Variants in REEP5 observed in about 807,000 individuals in gnomAD.
REEP5 encodes the protein receptor accessory protein 5.
A neutral mutation model predicts 22.4 loss-of-function variants in REEP5; 24 were observed. The ratio of observed to expected loss-of-function variants is 1.07; its 90% CI spans 0.78 to 1.51. The LOEUF (loss-of-function observed/expected upper bound fraction) is 1.51, where lower values mean the gene tolerates loss of function less well. Among genes scored for constraint, REEP5 ranks in the 40% most tolerant of loss-of-function variants. The pLI is 0.00. For missense variants in REEP5, 252 were observed against 233.0 expected (o/e 1.08, Z -0.53); for synonymous variants, 103 against 88.6 (o/e 1.16, Z -0.92).
chr5:112,897,759 ATAT>A (rs1212381994), intron 3 of REEP5: 1 of 152,272 alleles, frequency 6.6e-6, no homozygotes, highest in East Asian at 1.9e-4. Flanking sequence ...AAAAAATAAA[ATAT>A]TAAACATGTC....
intron 2 of REEP5, among the ~76,000 whole-genome samples, chr5:112,907,909 T>C (rs868558778): frequency 1.3e-5 from 2 of 152,284 alleles, no homozygotes; most frequent in East Asian, 3.9e-4. Flanking sequence ...TGTTTTTATA[T>C]GTTTACAGAC....
intron 2 of REEP5, among the ~76,000 whole-genome samples, chr5:112,913,536 TAAAAAA>T (rs148324454): frequency 1.4e-3 from 91 of 65,474 alleles, no homozygotes; most frequent in African/African-American, 5.0e-3. Flanking sequence ...TGACCCTGGC[TAAAAAA>T]AAAAAAAAAA....
intron 4 of REEP5, among the ~76,000 whole-genome samples, chr5:112,879,261 C>T (rs191294071): frequency 6.7e-4 from 93 of 138,904 alleles, no homozygotes; most frequent in African/African-American, 2.3e-3. Flanking sequence ...TATCCCATGG[C>T]GACAAATCAG....
intron 3 of REEP5, chr5:112,893,763 C>T (rs563473970): frequency 6.6e-6 from 1 of 152,196 alleles, no homozygotes; most frequent in Non-Finnish European, 1.5e-5. Flanking sequence ...AGACTAAGAC[C>T]TTCTGTTAAA....
In REEP5 at chr5:112,910,011, A is replaced by C. The variant is rs560777215; in HGVS notation, c.213-7493T>G. On this transcript the variant is annotated intron_variant, in intron 2 of 4. Coordinates refer to ENST00000379638, the MANE Select transcript of REEP5 (RefSeq NM_005669.5). ...AATGTATGTTCACCAATTATAAAAA[A>C]CAGCACTCTGACCAGGCACAATGGC... 3.9e-5 allele frequency among the ~76,000 whole-genome samples: 6 copies of C among 152,298 alleles called. No homozygotes were observed. In the South Asian group the frequency reaches 1.2e-3, roughly 32 times the overall value.
At chr5:112,915,084 T>C (rs1769201906) in intron 2 of REEP5, among the ~76,000 whole-genome samples, 1 of 152,068 alleles carries the variant, frequency 6.6e-6, no homozygotes, top group South Asian at 2.1e-4. Context: ...TGTGAAAAAA[T>C]TAAGTTGAAA....
At chr5:112,879,216 TATTATCAATCTG>T (rs759409950) in intron 4 of REEP5, among the ~76,000 whole-genome samples, 4 of 151,784 alleles carry the variant, frequency 2.6e-5, no homozygotes, top group Non-Finnish European at 5.9e-5. Context: ...CTTATCAATA[TATTATCAATCTG>T]ATGACAACTA....
In REEP5 at chr5:112,913,536, TAAAAAAAAA is replaced by T. The variant is rs148324454; in HGVS notation, c.212+7618_212+7626del. ...CTGGGTGACAGAGTATGACCCTGGC[TAAAAAAAAA>T]AAAAAAAAAAAAAAAAAATTAAGAT... is the stretch of plus-strand genomic sequence containing the variant. On this transcript the variant is annotated intron_variant, in intron 2 of 4. Transcript: ENST00000379638. Among the ~76,000 whole-genome samples the T allele has an allele frequency of 8.7e-4, 57 of 65,476 alleles. 1 individual carries two copies. The highest frequency in any genetic ancestry group is 4.9e-3 in the East Asian group (10 of 2,036). The allele number at this position is 65,476 out of a possible 152,430, so 43.0% of individuals were successfully genotyped here.
At chr5:112,920,930 CT>C (rs1769342547) in intron 2 of REEP5, among the ~76,000 whole-genome samples, 1 of 152,186 alleles carries the variant, frequency 6.6e-6, no homozygotes, top group Admixed American at 6.5e-5. Context: ...AGAGGGGACA[CT>C]GGTCACCAGG....
chr5:112,919,542 G>A (rs1287687687), intron 2 of REEP5, among the ~76,000 whole-genome samples: 8 of 152,170 alleles, frequency 5.3e-5, no homozygotes, highest in African/African-American at 1.9e-4. Context: ...CTCCAGCCTG[G>A]GCAATATAGA....
intron 3 of REEP5, chr5:112,897,351 TCACACACACACACACACACACA>T (rs34612314): frequency 1.0e-5 from 1 of 97,790 alleles, no homozygotes; most frequent in Non-Finnish European, 2.1e-5. Context: ...ACACATCCCA[TCACACACACACACACACACACA>T]CACACACACA....
At chr5:112,890,988 A>C (rs1256869903) in intron 3 of REEP5, among the ~76,000 whole-genome samples, 1 of 150,908 alleles carries the variant, frequency 6.6e-6, no homozygotes, top group African/African-American at 2.5e-5. Context: ...AACAACATCT[A>C]TGAAACATTA....
intron 3 of REEP5, among the ~76,000 whole-genome samples, chr5:112,889,236 AAAAAC>A (rs142575763): frequency 0.049 from 7,338 of 150,692 alleles, 980 homozygotes; most frequent in African/African-American, 0.17. Context: ...AGCTCATCTC[AAAAAC>A]AAAACAAAAC....
intron 2 of REEP5, among the ~76,000 whole-genome samples, chr5:112,914,562 C>A (rs368576640): frequency 6.6e-6 from 1 of 152,274 alleles, no homozygotes; most frequent in South Asian, 2.1e-4. Flanking sequence ...AATAAAAGAG[C>A]AGATGCAAAT....
At chr5:112,880,874 A>G (rs1307585365) in intron 4 of REEP5, among the ~76,000 whole-genome samples, 2 of 152,182 alleles carry the variant, frequency 1.3e-5, no homozygotes, top group East Asian at 3.9e-4. Context: ...CATGCCTGTA[A>G]TCCCAGCATT....
chr5:112,920,571 A>G (rs1173680952), intron 2 of REEP5, among the ~76,000 whole-genome samples: 2 of 152,236 alleles, frequency 1.3e-5, no homozygotes, highest in African/African-American at 4.8e-5. Context: ...AAGTAGCTCA[A>G]TTATATAAAT....
chr5:112,893,683 A>G (rs1446193155), intron 3 of REEP5: 1 of 152,496 alleles, frequency 6.6e-6, no homozygotes, highest in African/African-American at 2.4e-5. Context: ...ACACATGGAT[A>G]GTAATGCTAC....
In REEP5 at chr5:112,877,032, A is replaced by C. The variant is rs1767915805; in HGVS notation, c.*1754T>G. 6.6e-6 allele frequency: 1 copy of C among 151,900 alleles called. No homozygotes were observed. The highest frequency in any genetic ancestry group is 1.5e-5 in the Non-Finnish European group (1 of 67,938). The allele number at this position is 151,900 out of a possible 1,614,324, so 9.4% of individuals were successfully genotyped here. On this transcript the variant is annotated 3_prime_UTR_variant, in exon 5 of 5. Coordinates refer to ENST00000379638, the MANE Select transcript of REEP5 (RefSeq NM_005669.5). The stretch of plus-strand genomic sequence containing the variant: ...AGAAAACTGTACTTTTATTTATGGG[A>C]AAAGGATTTAAATACTCCTAGATAC...
chr5:112,914,674 T>G (rs1769192927), intron 2 of REEP5, among the ~76,000 whole-genome samples: 1 of 152,124 alleles, frequency 6.6e-6, no homozygotes, highest in African/African-American at 2.4e-5. Context: ...ACCTCACAAC[T>G]TAGAAGGGGA....
Sources: gnomAD v4.1 joint callset for allele counts (sites outside exome capture counted in the v4.1 genomes callset) on GRCh38, gnomAD v4.1.1 for gene constraint, MANE v1.5 for transcripts, NCBI Gene and HGNC (gene_info 2026-07-23, HGNC 2026-07-21) for gene names.